CP: variants seen among roughly 807,000 people sequenced by gnomAD.
The protein encoded by CP is ceruloplasmin.
In CP, 64 loss-of-function variants were observed where a neutral mutation model predicts 122.4. The ratio of observed to expected loss-of-function variants is 0.52; its 90% CI spans 0.43 to 0.64. CP has a LOEUF of 0.64. Ranked by LOEUF, CP falls within the 30% of genes least tolerant of loss-of-function variation. The pLI is 0.00. For missense variants in CP, 1,167 were observed against 1,284.4 expected (o/e 0.91, Z 1.40); for synonymous variants, 440 against 436.4 (o/e 1.01, Z -0.10).
intron 1 of CP, among the ~76,000 whole-genome samples, chr3:149,213,664 GT>G (rs1728266842): frequency 7.0e-6 from 1 of 142,994 alleles, no homozygotes; most frequent in Admixed American, 7.2e-5. Flanking sequence ...GTGTGTGTGT[GT>G]GTGTGTGTTG....
intron 5 of CP, among the ~76,000 whole-genome samples, chr3:149,164,179 C>T (rs1345877708): frequency 6.6e-6 from 1 of 152,074 alleles, no homozygotes; most frequent in Non-Finnish European, 1.5e-5. Context: ...GGTGGATGAA[C>T]GAACTTCACC....
Position 149,188,221 on chromosome 3 carries a change from T to C in CP, c.1714-19A>G. ...CATCTTTCTGTAAATCAAAACAAAA[T>C]GAGATGGAGACAGAATGAATAAAGC... On this transcript the variant is annotated intron_variant, in intron 9 of 18. Coordinates refer to ENST00000264613, the MANE Select transcript of CP (RefSeq NM_000096.4). The C allele has an allele frequency of 6.2e-7, 1 of 1,603,286 alleles. No individual in the cohort carries two copies. Among genetic ancestry groups the C allele is most frequent in the Non-Finnish European group, 8.5e-7 (1 of 1,173,606 alleles).
Position 149,199,818 on chromosome 3 carries a change from G to A in CP, c.1395C>T (p.Phe465=), listed in dbSNP as rs749357028. ...TGAGGGGATATGCTCCTTTGTTATG[G>A]AAGGTTACTCTGATGGTGTCTCCCA... The part of the protein sequence containing the change: ...AEVGDTIRVT[F]HNKGAYPLSI... The change falls in exon 8 of 19, where the codon TTC becomes TTT. Residue 465 remains phenylalanine, a synonymous_variant. Transcript: ENST00000264613. 1.2e-6 allele frequency: 2 copies of A among 1,613,992 alleles called. No individual in the cohort carries two copies. The highest frequency in any genetic ancestry group is 1.3e-5 in the African/African-American group (1 of 74,918).
chr3:149,183,873 A>G (rs1271066265), intron 12 of CP, among the ~76,000 whole-genome samples: 1 of 151,982 alleles, frequency 6.6e-6, no homozygotes, highest in Non-Finnish European at 1.5e-5. Flanking sequence ...GTCACTGCCT[A>G]TTGGAACCTC....
chr3:149,180,388 T>C lies in CP; in HGVS notation c.2555-726A>G, dbSNP rs117325727. Among the ~76,000 whole-genome samples the C allele has an allele frequency of 5.3e-5, 8 of 152,324 alleles. No homozygotes were observed. In the East Asian group the frequency reaches 1.2e-3, roughly 22 times the overall value. On this transcript the variant is annotated intron_variant, in intron 14 of 18. Coordinates refer to ENST00000264613, the MANE Select transcript of CP (RefSeq NM_000096.4). ...TGCCAAGGCTCTTACCCTTTTCCCA[T>C]GTGCTCTAGGCTTTTCTCCAGTCTG...
intron 6 of CP, among the ~76,000 whole-genome samples, chr3:149,204,098 C>T (rs114659426): frequency 0.014 from 2,059 of 152,256 alleles, 47 homozygotes; most frequent in African/African-American, 0.046. Flanking sequence ...ATGGCAGAAG[C>T]ATAGCATGCA....
At chr3:149,206,473 G>A in intron 5 of CP, 134 bp from the exon 6 acceptor site, 1 of 988,830 alleles carries the variant, frequency 1.0e-6, no homozygotes, top group Non-Finnish European at 1.6e-6. Flanking sequence ...TATAAACTAG[G>A]GCAGACAGCT....
intron 9 of CP, among the ~76,000 whole-genome samples, chr3:149,190,411 A>C (rs1444168078): frequency 6.6e-6 from 1 of 152,208 alleles, no homozygotes; most frequent in Non-Finnish European, 1.5e-5. Context: ...TAATCCCAGC[A>C]CTTTGGGAGA....
Position 149,181,985 on chromosome 3 carries a change from A to AAC in CP, c.2554+19_2554+20insGT. ...CAGCCTGTTAAAATGCACCACCCCC[A>AAC]CCCCCGCCCCCGTGAGTACCTGGTA... On this transcript the variant is annotated intron_variant, in intron 14 of 18. Coordinates refer to ENST00000264613, the MANE Select transcript of CP (RefSeq NM_000096.4). 1.5e-5 allele frequency: 6 copies of AAC among 402,774 alleles called. No individual in the cohort carries two copies. Among genetic ancestry groups the AAC allele is most frequent in the Admixed American group, 3.0e-5 (1 of 32,844 alleles). 25.0% of individuals were successfully genotyped at this position (402,774 alleles called of 1,614,324 possible). A position where few individuals can be genotyped will look rare whatever the true frequency, so the allele number is the denominator to read the frequency against.
At chr3:149,215,387 C>A (rs1186329619) in intron 1 of CP, among the ~76,000 whole-genome samples, 1 of 152,082 alleles carries the variant, frequency 6.6e-6, no homozygotes, top group African/African-American at 2.4e-5. Flanking sequence ...ACTAATTTTT[C>A]TAGGCAAAGT....
intron 18 of CP, among the ~76,000 whole-genome samples, chr3:149,175,778 C>A (rs553132333): frequency 6.6e-6 from 1 of 151,774 alleles, no homozygotes; most frequent in African/African-American, 2.4e-5. Flanking sequence ...AAACAATTAT[C>A]GGTAAGGTTC....
At chr3:149,212,841 A>G in intron 1 of CP, 143 bp from the exon 2 acceptor site, 1 of 973,122 alleles carries the variant, frequency 1.0e-6, no homozygotes, top group Non-Finnish European at 1.5e-6. Context: ...TGCCTCCAAA[A>G]TTGAAGTGGA....
intron 6 of CP, among the ~76,000 whole-genome samples, chr3:149,205,917 T>TAA (rs1338263652): frequency 6.6e-6 from 1 of 152,230 alleles, no homozygotes; most frequent in East Asian, 1.9e-4. Flanking sequence ...TTGATTTATC[T>TAA]AATAGTATTC....
chr3:149,204,974 C>A (rs1473407825), intron 6 of CP, among the ~76,000 whole-genome samples: 3 of 151,714 alleles, frequency 2.0e-5, no homozygotes, highest in Non-Finnish European at 4.4e-5. Context: ...GAATTAATAT[C>A]CTGAATATAT....
At chr3:149,175,932 C>A in intron 18 of CP, 1 of 260,966 alleles carries the variant, frequency 3.8e-6, no homozygotes, top group Admixed American at 5.1e-5. Context: ...CTAAATGTGT[C>A]TTATGTAAAT....
At chr3:149,206,852 A>G (rs2108289037) in intron 5 of CP, among the ~76,000 whole-genome samples, 1 of 152,312 alleles carries the variant, frequency 6.6e-6, no homozygotes, top group East Asian at 1.9e-4. Flanking sequence ...AAAATATCTG[A>G]ACTCCTATGT....
intron 14 of CP, among the ~76,000 whole-genome samples, 180 bp downstream of exon 14, chr3:149,181,825 T>A (rs1725798372): frequency 6.6e-6 from 1 of 152,220 alleles, no homozygotes; most frequent in South Asian, 2.1e-4. Flanking sequence ...TGTGGACTTT[T>A]TTTTTTAGTA....
intron 16 of CP, 87 bp from the exon 17 acceptor site, chr3:149,178,066 G>A: frequency 7.9e-7 from 1 of 1,265,424 alleles, no homozygotes. Flanking sequence ...TTAGGTTAAT[G>A]TAAAGAATCT....
intron 1 of CP, among the ~76,000 whole-genome samples, chr3:149,220,672 T>C (rs147465813): frequency 2.6e-5 from 4 of 152,282 alleles, no homozygotes; most frequent in Non-Finnish European, 5.9e-5. Context: ...AAATAGTATA[T>C]ACTCATCAAT....
Sources: gnomAD v4.1 joint callset for allele counts (sites outside exome capture counted in the v4.1 genomes callset) on GRCh38, gnomAD v4.1.1 for gene constraint, MANE v1.5 for transcripts, NCBI Gene and HGNC (gene_info 2026-07-23, HGNC 2026-07-21) for gene names.